The following PCSK2 variants were observed in gnomAD, a reference collection of about 807,000 sequenced individuals.
PCSK2 encodes the protein proprotein convertase subtilisin/kexin type 2, also known as neuroendocrine convertase 2.
PCSK2 carries 14 observed loss-of-function variants against 69.7 expected under a neutral mutation model. The observed-to-expected ratio is 0.20, with a 90% CI of 0.13 to 0.31. The LOEUF (loss-of-function observed/expected upper bound fraction) is 0.31, where lower values mean the gene tolerates loss of function less well. Among genes scored for constraint, PCSK2 ranks in the 10% least tolerant of loss-of-function variants. PCSK2 has a pLI of 1.00. For synonymous variants in PCSK2, 307 were observed against 320.7 expected (o/e 0.96, Z 0.46); for missense variants, 544 against 842.5 (o/e 0.65, Z 4.39).
At chr20:17,349,652 C>T (rs1247948248) in intron 2 of PCSK2, among the ~76,000 whole-genome samples, 1 of 151,890 alleles carries the variant, frequency 6.6e-6, no homozygotes, top group Non-Finnish European at 1.5e-5. Context: ...AGTGTTTTAA[C>T]CTACCAAGAA....
intron 8 of PCSK2, among the ~76,000 whole-genome samples, chr20:17,451,788 T>C (rs2032827449): frequency 6.6e-6 from 1 of 152,182 alleles, no homozygotes; most frequent in African/African-American, 2.4e-5. Flanking sequence ...TAGCATCGAT[T>C]TCCTTCATTT....
At chr20:17,284,000 TG>T (rs1458747391) in intron 2 of PCSK2, among the ~76,000 whole-genome samples, 1 of 152,178 alleles carries the variant, frequency 6.6e-6, no homozygotes, top group African/African-American at 2.4e-5. Context: ...ACTCCAGCCA[TG>T]TTCTTCATTT....
intron 2 of PCSK2, among the ~76,000 whole-genome samples, chr20:17,287,677 C>G (rs1326762975): frequency 6.6e-6 from 1 of 152,204 alleles, no homozygotes; most frequent in Non-Finnish European, 1.5e-5. Context: ...GTCAGCAGTG[C>G]CATTAGCAAC....
At position 17,283,850 on chromosome 20, in the gene PCSK2, A is replaced by G. The variant is rs943923490; in HGVS notation, c.282+23506A>G. Among the ~76,000 whole-genome samples, 6 of 152,240 alleles carry G rather than the reference A, an allele frequency of 3.9e-5. No individual in the cohort carries two copies. In the South Asian group the frequency reaches 6.2e-4, roughly 16 times the overall value. ...GTTTGCTCAGCCCCACGTCAGCTAG[A>G]GTAGAAATTACTTATCCACTTCTCC... On this transcript the variant is annotated intron_variant, in intron 2 of 11. Coordinates refer to ENST00000262545, the MANE Select transcript of PCSK2 (RefSeq NM_002594.5).
intron 4 of PCSK2, among the ~76,000 whole-genome samples, chr20:17,364,251 C>A (rs2030509618): frequency 6.6e-6 from 1 of 152,124 alleles, no homozygotes; most frequent in Non-Finnish European, 1.5e-5. Flanking sequence ...ACCACATAGT[C>A]ACCCACACCC....
At chr20:17,324,823 G>C (rs1474030248) in intron 2 of PCSK2, among the ~76,000 whole-genome samples, 1 of 152,144 alleles carries the variant, frequency 6.6e-6, no homozygotes, top group Non-Finnish European at 1.5e-5. Flanking sequence ...TCTGCAGAAG[G>C]AAATGGGGAT....
rs1191097413 is a variant in PCSK2 at position 17,263,695 on chromosome 20, C to G, written c.282+3351C>G. 3.3e-5 allele frequency among the ~76,000 whole-genome samples: 5 copies of G among 152,334 alleles called. No homozygotes were observed. In the East Asian group the frequency reaches 7.7e-4, roughly 23 times the overall value. Reference sequence around the variant, plus strand: ...AATTGTGGGTAACAGAAACCAATGACTGTTTCATTACTTCCAAGTTTTATC... The same window carrying G: ...AATTGTGGGTAACAGAAACCAATGAGTGTTTCATTACTTCCAAGTTTTATC... On this transcript the variant is annotated intron_variant, in intron 2 of 11. Transcript: ENST00000262545.
intron 11 of PCSK2, among the ~76,000 whole-genome samples, chr20:17,480,793 T>G (rs1682253231): frequency 6.6e-6 from 1 of 152,186 alleles, no homozygotes; most frequent in Non-Finnish European, 1.5e-5. Flanking sequence ...GTTGTCACGC[T>G]GAGGAATAGA....
intron 5 of PCSK2, among the ~76,000 whole-genome samples, chr20:17,401,197 G>A (rs2031628546): frequency 6.6e-6 from 1 of 152,126 alleles, no homozygotes; most frequent in Admixed American, 6.5e-5. Flanking sequence ...AGATATACAA[G>A]GTAATCAAGT....
At chr20:17,388,010 A>T (rs2123265676) in intron 5 of PCSK2, among the ~76,000 whole-genome samples, 2 of 152,282 alleles carry the variant, frequency 1.3e-5, no homozygotes, top group Middle Eastern at 6.8e-3. Flanking sequence ...CTTAAGAATG[A>T]GGAGGAGTTA....
intron 1 of PCSK2, among the ~76,000 whole-genome samples, chr20:17,243,013 T>C (rs979804842): frequency 2.0e-5 from 3 of 152,198 alleles, no homozygotes; most frequent in African/African-American, 7.2e-5. Flanking sequence ...GTAGTTTTGA[T>C]TATTATAGCC....
rs1051760787 is a variant in PCSK2 at position 17,484,342 on chromosome 20, A to C, written c.*2272A>C. On this transcript the variant is annotated 3_prime_UTR_variant, in exon 12 of 12. Transcript: ENST00000262545. ...CTATATATATAAATATTTGGTCTCT[A>C]TTTCATTTTTTGCATCAGTATTAAT... 4 of 152,488 alleles carry C rather than the reference A, an allele frequency of 2.6e-5. No individual in the cohort carries two copies. Among genetic ancestry groups the C allele is most frequent in the African/African-American group, 7.2e-5 (3 of 41,426 alleles). The allele number at this position is 152,488 out of a possible 1,614,324, so 9.4% of individuals were successfully genotyped here.
intron 2 of PCSK2, among the ~76,000 whole-genome samples, chr20:17,264,870 T>C (rs930641295): frequency 1.2e-3 from 4 of 3,220 alleles, no homozygotes; most frequent in African/African-American, 3.4e-3. Context: ...CTTTCTTTCT[T>C]TTTTTTTTCC....
chr20:17,264,491 A>G (rs1987515635), intron 2 of PCSK2, among the ~76,000 whole-genome samples: 1 of 152,174 alleles, frequency 6.6e-6, no homozygotes, highest in South Asian at 2.1e-4. Context: ...TTTCTTATCC[A>G]AATGTATCCA....
chr20:17,280,722 G>C (rs1267394926), intron 2 of PCSK2, among the ~76,000 whole-genome samples: 1 of 152,216 alleles, frequency 6.6e-6, no homozygotes, highest in Non-Finnish European at 1.5e-5. Context: ...GGTACACCTA[G>C]TGCCTGGGTG....
At chr20:17,332,913 G>C (rs984755400) in intron 2 of PCSK2, among the ~76,000 whole-genome samples, 4 of 152,042 alleles carry the variant, frequency 2.6e-5, no homozygotes, top group African/African-American at 9.7e-5. Flanking sequence ...TTGGGCTTTG[G>C]CTGCTCTAAA....
chr20:17,349,268 A>G (rs1158931480), intron 2 of PCSK2, among the ~76,000 whole-genome samples: 1 of 152,168 alleles, frequency 6.6e-6, no homozygotes, highest in African/African-American at 2.4e-5. Flanking sequence ...CCACAATCCT[A>G]TGCTGCCTCC....
chr20:17,277,517 T>C (rs1159947781), intron 2 of PCSK2, among the ~76,000 whole-genome samples: 1 of 152,200 alleles, frequency 6.6e-6, no homozygotes, highest in African/African-American at 2.4e-5. Context: ...GCTAGCCATA[T>C]GTAGAAACCT....
intron 11 of PCSK2, among the ~76,000 whole-genome samples, chr20:17,474,617 C>T (rs1335186483): frequency 2.0e-5 from 3 of 152,124 alleles, no homozygotes; most frequent in Non-Finnish European, 4.4e-5. Context: ...TAAGGCCTTC[C>T]CCATGAGCGT....
Sources: allele counts gnomAD v4.1 joint callset (sites outside exome capture counted in the v4.1 genomes callset), GRCh38; gene constraint gnomAD v4.1.1; transcripts MANE v1.5; gene names NCBI Gene and HGNC (gene_info 2026-07-23, HGNC 2026-07-21).